DROSHA: variants seen among roughly 807,000 people sequenced by gnomAD.
The protein encoded by DROSHA is ribonuclease 3.
Under a neutral mutation model 181.9 loss-of-function variants are expected in DROSHA, and 56 were observed. The observed-to-expected ratio is 0.31, with a 90% CI of 0.25 to 0.38. The LOEUF (loss-of-function observed/expected upper bound fraction) is 0.38, where lower values mean the gene tolerates loss of function less well. Among genes scored for constraint, DROSHA ranks in the 10% least tolerant of loss-of-function variants. The probability of loss-of-function intolerance (pLI) is 1.00; values close to 1 mark genes in which losing one functional copy is unlikely to be tolerated. For synonymous variants in DROSHA, 524 were observed against 591.2 expected (o/e 0.89, Z 1.65); for missense variants, 1,218 against 1,743.5 (o/e 0.70, Z 5.37).
At chr5:31,416,444 C>CA (rs1274006553) in intron 30 of DROSHA, among the ~76,000 whole-genome samples, 1 of 151,716 alleles carries the variant, frequency 6.6e-6, no homozygotes, top group East Asian at 1.9e-4. Flanking sequence ...CAGTGATGAA[C>CA]AAAAACATGC....
At chr5:31,460,969 T>A (rs565254938) in intron 20 of DROSHA, among the ~76,000 whole-genome samples, 7 of 152,286 alleles carry the variant, frequency 4.6e-5, no homozygotes, top group African/African-American at 1.7e-4. Context: ...TAAACATTCA[T>A]TAAAATCTTT....
intron 25 of DROSHA, 107 bp from the exon 26 acceptor site, chr5:31,431,785 G>A: frequency 2.2e-6 from 2 of 917,816 alleles, no homozygotes; most frequent in South Asian, 1.5e-5. Context: ...GATGGGGGCA[G>A]CGTAATGGTT....
At position 31,402,918 on chromosome 5, in the gene DROSHA, G is replaced by A. The variant is rs540482407; in HGVS notation, c.3995-1356C>T. ...CTGCCTCTGCCTCCCAAGTAGCTGG[G>A]ATTACAGGCGTGTGCCACCACAACC... On this transcript the variant is annotated intron_variant, in intron 35 of 35. Coordinates refer to ENST00000344624, the MANE Select transcript of DROSHA (RefSeq NM_001382508.1). Among the ~76,000 whole-genome samples, 5 of 152,314 alleles carry A rather than the reference G, an allele frequency of 3.3e-5. No homozygotes were observed. The South Asian group carries it at 1.0e-3, about 32-fold the overall frequency.
chr5:31,484,788 C>A, intron 15 of DROSHA, 93 bp downstream of exon 15: 1 of 870,878 alleles, frequency 1.1e-6, no homozygotes, highest in South Asian at 1.7e-5. Context: ...AGAGAAATTT[C>A]AACTATCTCC....
At chr5:31,441,235 C>T (rs1179921646) in intron 23 of DROSHA, among the ~76,000 whole-genome samples, 2 of 151,922 alleles carry the variant, frequency 1.3e-5, no homozygotes, top group Non-Finnish European at 2.9e-5. Flanking sequence ...CAAAGTAAGA[C>T]CTTGTCTGTA....
At chr5:31,417,368 T>C (rs913413541) in intron 30 of DROSHA, among the ~76,000 whole-genome samples, 4 of 152,138 alleles carry the variant, frequency 2.6e-5, no homozygotes, top group African/African-American at 9.7e-5. Context: ...CTTTTACTCT[T>C]GAGATGGGAA....
intron 9 of DROSHA, among the ~76,000 whole-genome samples, chr5:31,510,449 T>C (rs1738539449): frequency 6.6e-6 from 1 of 152,224 alleles, no homozygotes; most frequent in African/African-American, 2.4e-5. Context: ...TGTAGCTAAA[T>C]GCACACTGAA....
intron 16 of DROSHA, among the ~76,000 whole-genome samples, chr5:31,480,204 A>ATATATATATATATATATATATATATT (rs1750877468): frequency 7.4e-6 from 1 of 134,866 alleles, no homozygotes. Context: ...ATATATATAT[A>ATATATATATATATATATATATATATT]CTGAAAATAC....
At position 31,526,424 on chromosome 5, in the gene DROSHA, G is replaced by A. The variant is rs77034974; in HGVS notation, c.509C>T (p.Pro170Leu). The A allele has an allele frequency of 6.6e-3, 10,648 of 1,613,090 alleles. 628 individuals carry two copies. The African/African-American group carries it at 0.13, about 19-fold the overall frequency. The change falls in exon 5 of 36, where the codon CCG becomes CTG. Residue 170 changes from proline (P) to leucine (L), a missense_variant. Around this residue, in one of 8 missense-constraint regions of DROSHA, gnomAD observed 536 missense variants for 535.4 expected, o/e 1.00. Coordinates refer to ENST00000344624, the MANE Select transcript of DROSHA (RefSeq NM_001382508.1). ...TGGGAAGTTGTGGTGAGAATAGCCC[G>A]GAGGGTACTGATAATTAACCTGCTG... ...MPQQVNYQYP[P>L]GYSHHNFPPP...
chr5:31,417,475 T>C (rs1742088477), intron 30 of DROSHA, among the ~76,000 whole-genome samples: 1 of 152,134 alleles, frequency 6.6e-6, no homozygotes, highest in African/African-American at 2.4e-5. Flanking sequence ...GCGCGGGGTA[T>C]GAATCACTTG....
rs867754932 is a variant in DROSHA, at chr5:31,523,288, A to G, written c.855-2073T>C. ...AATGCCCCAAGCACATTATAAAACAACTCGAATATAAATAAAGCCCGTTTT... is the reference window on the plus strand; with the variant it reads ...AATGCCCCAAGCACATTATAAAACAGCTCGAATATAAATAAAGCCCGTTTT... On this transcript the variant is annotated intron_variant, in intron 5 of 35. Coordinates refer to ENST00000344624, the MANE Select transcript of DROSHA (RefSeq NM_001382508.1). Among the ~76,000 whole-genome samples the G allele has an allele frequency of 7.2e-5, 11 of 152,318 alleles. No homozygotes were observed. The South Asian group carries it at 8.3e-4, about 11-fold the overall frequency.
Position 31,451,382 on chromosome 5 carries a change from G to A in DROSHA, c.2682+151C>T, listed in dbSNP as rs954231411. 21 of 626,536 alleles carry A rather than the reference G, an allele frequency of 3.4e-5. No homozygotes were observed. In the Admixed American group the frequency reaches 6.6e-4, roughly 20 times the overall value. 38.8% of individuals were successfully genotyped at this position (626,536 alleles called of 1,614,324 possible). Reference sequence around the variant, plus strand: ...TAAGAGAATGGGCTGGAAAGCAGCAGAGGCAACCAGGGTAGAGCAATGGAG... The same window carrying A: ...TAAGAGAATGGGCTGGAAAGCAGCAAAGGCAACCAGGGTAGAGCAATGGAG... On this transcript the variant is annotated intron_variant, in intron 21 of 35. Transcript: ENST00000344624.
chr5:31,424,957 A>T (rs1470326107), intron 27 of DROSHA, among the ~76,000 whole-genome samples: 1 of 152,190 alleles, frequency 6.6e-6, no homozygotes, highest in Non-Finnish European at 1.5e-5. Context: ...TTATGAGATC[A>T]TGCTTTTACA....
Position 31,409,151 on chromosome 5 carries a change from A to G in DROSHA, c.3759T>C (p.Ile1253=). The G allele has an allele frequency of 6.2e-7, 1 of 1,613,840 alleles. No homozygotes were observed. The highest frequency in any genetic ancestry group is 8.5e-7 in the Non-Finnish European group (1 of 1,179,830). Reference sequence around the variant, plus strand: ...TGGGGTCATTCCAATCCTGATTCAAAATGAACTCCTGTGGAAGTCCCCCAA... The same window carrying G: ...TGGGGTCATTCCAATCCTGATTCAAGATGAACTCCTGTGGAAGTCCCCCAA... ...VCFFPRLKEF[I]LNQDWNDPKS... The change falls in exon 33 of 36, where the codon ATT becomes ATC. Residue 1253 remains isoleucine, a synonymous_variant. Transcript: ENST00000344624. This position sits in a 1 kb window ranked among gnomAD's most constrained non-coding sequence, Gnocchi z 4.0.
chr5:31,472,232 T>A lies in DROSHA; in HGVS notation c.2072A>T (p.Asp691Val). The A allele has an allele frequency of 6.2e-7, 1 of 1,603,578 alleles. No homozygotes were observed. The highest frequency in any genetic ancestry group is 8.5e-7 in the Non-Finnish European group (1 of 1,174,474). ...CATGGACAGCACTTCCTTTCCTCCA[T>A]CTTGGGTGGGAATGGGAGTGGAGAG... ...FMPRFVRFLP[D>V]GGKEVLSMHQ... is the part of the protein sequence containing the mutation. Residue 691 changes from aspartate to valine, a missense_variant and splice_region_variant, in exon 17 of 36, where the codon GAT (aspartate) becomes GTT (valine). This residue lies in a region of DROSHA where 460 missense variants were observed against 774.2 expected (regional missense o/e 0.59). Transcript: ENST00000344624.
chr5:31,439,651 G>A (rs1745322098), intron 23 of DROSHA, among the ~76,000 whole-genome samples: 1 of 152,074 alleles, frequency 6.6e-6, no homozygotes, highest in South Asian at 2.1e-4. Flanking sequence ...GTACGTATGT[G>A]TAGGAAAAAA....
chr5:31,418,725 C>A (rs1027852690), intron 30 of DROSHA, among the ~76,000 whole-genome samples: 3 of 152,000 alleles, frequency 2.0e-5, no homozygotes, highest in African/African-American at 7.2e-5. Flanking sequence ...TGTGAATGGA[C>A]TGGGATACAG....
intron 10 of DROSHA, among the ~76,000 whole-genome samples, chr5:31,504,843 C>T (rs1737718363): frequency 6.6e-6 from 1 of 152,198 alleles, no homozygotes; most frequent in Non-Finnish European, 1.5e-5. Flanking sequence ...TGTGACAACA[C>T]CACATTCCTG....
intron 25 of DROSHA, among the ~76,000 whole-genome samples, chr5:31,431,922 T>G (rs1035089393): frequency 2.0e-5 from 3 of 152,144 alleles, no homozygotes; most frequent in Admixed American, 6.5e-5. Flanking sequence ...ATAGTTCAAG[T>G]AGGGTTCAGA....
Sources: gnomAD v4.1 joint callset for allele counts (sites outside exome capture counted in the v4.1 genomes callset) on GRCh38, gnomAD v4.1.1 for gene constraint, gnomAD v4.1.1 regional missense constraint, Gnocchi (gnomAD v3.1) non-coding constraint, MANE v1.5 for transcripts, NCBI Gene and HGNC (gene_info 2026-07-23, HGNC 2026-07-21) for gene names.